PEX7: variants seen among roughly 807,000 people sequenced by gnomAD.
PEX7 encodes PTS2 receptor.
In PEX7, 34 loss-of-function variants were observed where a neutral mutation model predicts 47.5. The observed-to-expected ratio is 0.72, with a 90% CI of 0.54 to 0.95. The LOEUF (loss-of-function observed/expected upper bound fraction) is 0.95. Ranked by LOEUF, PEX7 falls within the 40% of genes least tolerant of loss-of-function variation. PEX7 has a pLI of 0.00. For synonymous variants in PEX7, 141 were observed against 148.8 expected (o/e 0.95, Z 0.38); for missense variants, 394 against 400.3 (o/e 0.98, Z 0.13).
intron 9 of PEX7, among the ~76,000 whole-genome samples, chr6:136,912,142 G>T (rs750455941): frequency 3.9e-5 from 6 of 152,080 alleles, no homozygotes; most frequent in Non-Finnish European, 7.4e-5. Flanking sequence ...CTTGATACAA[G>T]TTGTCAGGTG....
intron 3 of PEX7, among the ~76,000 whole-genome samples, chr6:136,828,207 T>A (rs1774232183): frequency 6.6e-6 from 1 of 152,212 alleles, no homozygotes; most frequent in South Asian, 2.1e-4. Context: ...ATGGCTACTT[T>A]AGTATGTACA....
At chr6:136,841,616 T>C (rs1282472154) in intron 3 of PEX7, among the ~76,000 whole-genome samples, 1 of 152,210 alleles carries the variant, frequency 6.6e-6, no homozygotes, top group East Asian at 1.9e-4. Context: ...CTTTCTCTGC[T>C]ACCCAGGCTG....
intron 8 of PEX7, among the ~76,000 whole-genome samples, chr6:136,891,493 G>T (rs1367528701): frequency 6.6e-6 from 1 of 151,848 alleles, no homozygotes; most frequent in Non-Finnish European, 1.5e-5. Flanking sequence ...GGTAGTTAGG[G>T]TTTTTTTCTG....
At chr6:136,908,952 G>A (rs1775888232) in intron 9 of PEX7, among the ~76,000 whole-genome samples, 1 of 152,136 alleles carries the variant, frequency 6.6e-6, no homozygotes, top group Non-Finnish European at 1.5e-5. Flanking sequence ...CCTGAAAGCA[G>A]GCACTTCCCT....
chr6:136,857,966 C>T (rs190721448), intron 5 of PEX7, among the ~76,000 whole-genome samples: 21 of 152,200 alleles, frequency 1.4e-4, no homozygotes, highest in Middle Eastern at 6.8e-3. Context: ...CACAGGTGTG[C>T]GCCACCACCC....
chr6:136,830,168 C>A, intron 3 of PEX7: 1 of 627,408 alleles, frequency 1.6e-6, no homozygotes, highest in Non-Finnish European at 2.8e-6. Flanking sequence ...GCGTATGTCA[C>A]ATATTTTTCC....
chr6:136,875,146 G>C (rs11154893), intron 8 of PEX7, among the ~76,000 whole-genome samples: 1 of 110,758 alleles, frequency 9.0e-6, no homozygotes, highest in South Asian at 3.0e-4. Context: ...TCTCAAAAAA[G>C]AAAAAAAAAG....
At chr6:136,849,711 C>T (rs533184216) in intron 5 of PEX7, among the ~76,000 whole-genome samples, 13 of 151,994 alleles carry the variant, frequency 8.6e-5, no homozygotes, top group African/African-American at 2.7e-4. Context: ...CACTGTGGTC[C>T]GGGAGAAAGT....
intron 6 of PEX7, among the ~76,000 whole-genome samples, chr6:136,869,362 C>T (rs1775133206): frequency 6.6e-6 from 1 of 152,148 alleles, no homozygotes; most frequent in Non-Finnish European, 1.5e-5. Context: ...CTGCCTCACT[C>T]AGCCTCTCAA....
intron 3 of PEX7, among the ~76,000 whole-genome samples, chr6:136,839,312 G>A (rs753976508): frequency 9.2e-5 from 14 of 152,104 alleles, no homozygotes; most frequent in Admixed American, 2.0e-4. Context: ...TAAAAATTCT[G>A]GACATAGTTT....
intron 8 of PEX7, among the ~76,000 whole-genome samples, chr6:136,877,547 C>T (rs1191673882): frequency 6.6e-6 from 1 of 152,142 alleles, no homozygotes; most frequent in Non-Finnish European, 1.5e-5. Context: ...ACCAGTTTTT[C>T]CAACACCATT....
intron 8 of PEX7, among the ~76,000 whole-genome samples, chr6:136,889,174 T>G (rs182131660): frequency 1.2e-3 from 178 of 152,316 alleles, no homozygotes; most frequent in African/African-American, 3.5e-3. Flanking sequence ...ATTTGACTTG[T>G]TTAAATTAGA....
intron 8 of PEX7, among the ~76,000 whole-genome samples, chr6:136,883,925 T>A (rs1169324717): frequency 6.6e-6 from 1 of 152,044 alleles, no homozygotes; most frequent in Non-Finnish European, 1.5e-5. Context: ...AGCAACATCA[T>A]TTTTTTTAGA....
intron 5 of PEX7, among the ~76,000 whole-genome samples, chr6:136,863,177 A>G (rs1329756757): frequency 6.6e-6 from 1 of 152,166 alleles, no homozygotes; most frequent in Non-Finnish European, 1.5e-5. Flanking sequence ...TGTTGTCACT[A>G]GTGGGTCCTG....
intron 9 of PEX7, among the ~76,000 whole-genome samples, chr6:136,911,449 A>G (rs1006585862): frequency 2.6e-5 from 4 of 151,970 alleles, no homozygotes; most frequent in Non-Finnish European, 5.9e-5. Flanking sequence ...TCTGTTGCCT[A>G]GGCTGGAGTG....
At chr6:136,876,187 G>A (rs747176038) in intron 8 of PEX7, among the ~76,000 whole-genome samples, 12 of 151,840 alleles carry the variant, frequency 7.9e-5, no homozygotes, top group Non-Finnish European at 1.8e-4. Context: ...ACAGGCACCC[G>A]TCACTATGCT....
At chr6:136,887,538 C>T (rs943418843) in intron 8 of PEX7, among the ~76,000 whole-genome samples, 4 of 152,042 alleles carry the variant, frequency 2.6e-5, no homozygotes, top group Non-Finnish European at 5.9e-5. Flanking sequence ...AGCAAAATGA[C>T]AAAGACAAAT....
intron 8 of PEX7, among the ~76,000 whole-genome samples, chr6:136,892,325 T>C (rs954540365): frequency 6.6e-6 from 1 of 152,198 alleles, no homozygotes; most frequent in Non-Finnish European, 1.5e-5. Flanking sequence ...TTCAGGGTGT[T>C]AATCAAAACT....
At chr6:136,839,437 CTG>C (rs1331930926) in intron 3 of PEX7, among the ~76,000 whole-genome samples, 2 of 152,150 alleles carry the variant, frequency 1.3e-5, no homozygotes, top group Non-Finnish European at 2.9e-5. Context: ...TCCTCTCAAA[CTG>C]TGGTTTTGAT....
Sources: allele counts gnomAD v4.1 joint callset (sites outside exome capture counted in the v4.1 genomes callset), GRCh38; gene constraint gnomAD v4.1.1; transcripts MANE v1.5; gene names NCBI Gene and HGNC (gene_info 2026-07-23, HGNC 2026-07-21).